Variants in ZNF385D observed in about 807,000 individuals in gnomAD.
The protein encoded by ZNF385D is zinc finger protein 659.
A neutral mutation model predicts 35.8 loss-of-function variants in ZNF385D; 15 were observed. The observed-to-expected ratio is 0.42, with a 90% CI of 0.28 to 0.64. The LOEUF (loss-of-function observed/expected upper bound fraction) is 0.64. Among genes scored for constraint, ZNF385D ranks in the 30% least tolerant of loss-of-function variants. ZNF385D has a pLI of 0.23. For missense variants in ZNF385D, 474 were observed against 494.6 expected, an observed-to-expected ratio of 0.96 and a Z score of 0.39; for synonymous variants, 212 against 186.8, an observed-to-expected ratio of 1.13 and a Z score of -1.10.
rs546845593 is a variant in ZNF385D, at chr3:22,145,161, C to A, written c.325+23656G>T. On this transcript the variant is annotated intron_variant, in intron 3 of 5. Transcript: ENST00000494108. The stretch of plus-strand genomic sequence containing the variant: ...GCTATTACTAGAGACTTTCTTTGAG[C>A]TTTAGCAACTATAACATACTTTTTA... 4.6e-5 allele frequency among the ~76,000 whole-genome samples: 7 copies of A among 152,278 alleles called. No homozygotes were observed. In the South Asian group the frequency reaches 1.2e-3, roughly 27 times the overall value.
chr3:21,935,102 G>A (rs971436158), intron 3 of ZNF385D, among the ~76,000 whole-genome samples: 1 of 152,054 alleles, frequency 6.6e-6, no homozygotes. Flanking sequence ...TCTCCTTTAT[G>A]CATTATTTAT....
chr3:22,333,258 T>C (rs1320078259), intron 2 of ZNF385D, among the ~76,000 whole-genome samples: 1 of 152,190 alleles, frequency 6.6e-6, no homozygotes, highest in Non-Finnish European at 1.5e-5. Context: ...GGAGTGTGTT[T>C]GTATTTCTTT....
At chr3:21,975,559 T>A (rs1366089616) in intron 3 of ZNF385D, among the ~76,000 whole-genome samples, 1 of 152,062 alleles carries the variant, frequency 6.6e-6, no homozygotes, top group Non-Finnish European at 1.5e-5. Context: ...AATTTGGTTG[T>A]AACACAAAGA....
chr3:21,627,249 G>GT (rs1189497377), intron 2 of ZNF385D, among the ~76,000 whole-genome samples: 27 of 51,952 alleles, frequency 5.2e-4, no homozygotes, highest in African/African-American at 9.7e-4. Context: ...GGTGTAGGGT[G>GT]TGTGTGTGTG....
chr3:21,857,808 A>G (rs1190714093), intron 3 of ZNF385D, among the ~76,000 whole-genome samples: 1 of 151,798 alleles, frequency 6.6e-6, no homozygotes. Context: ...TCACCTTTTC[A>G]AGGCATAGAG....
chr3:21,620,380 A>G (rs2064969193), intron 2 of ZNF385D, among the ~76,000 whole-genome samples: 1 of 152,134 alleles, frequency 6.6e-6, no homozygotes, highest in African/African-American at 2.4e-5. Context: ...CCCATCTCCT[A>G]AATCCCCTCT....
intron 4 of ZNF385D, among the ~76,000 whole-genome samples, chr3:21,448,672 C>A (rs923853359): frequency 2.0e-5 from 3 of 152,164 alleles, no homozygotes; most frequent in Non-Finnish European, 4.4e-5. Flanking sequence ...CGATACAATT[C>A]TGGAACAAAT....
intron 2 of ZNF385D, among the ~76,000 whole-genome samples, chr3:22,173,358 A>T (rs899135425): frequency 2.0e-5 from 3 of 152,232 alleles, no homozygotes; most frequent in African/African-American, 7.2e-5. Flanking sequence ...GTTGTAATAA[A>T]TGTACCGTAT....
At chr3:22,132,907 G>A (rs1229126022) in intron 3 of ZNF385D, among the ~76,000 whole-genome samples, 1 of 152,056 alleles carries the variant, frequency 6.6e-6, no homozygotes, top group Non-Finnish European at 1.5e-5. Flanking sequence ...TATTCACTGA[G>A]TATTCGGTTA....
intron 4 of ZNF385D, among the ~76,000 whole-genome samples, chr3:21,459,066 G>A (rs1703006456): frequency 6.6e-6 from 1 of 152,086 alleles, no homozygotes; most frequent in Non-Finnish European, 1.5e-5. Context: ...ACCTGGGAGG[G>A]TAAGAGGGGA....
chr3:22,191,251 G>C (rs141974768), intron 2 of ZNF385D, among the ~76,000 whole-genome samples: 1 of 152,030 alleles, frequency 6.6e-6, no homozygotes, highest in East Asian at 1.9e-4. Flanking sequence ...AGCACTTTGG[G>C]AGGCCGAGGC....
chr3:22,237,613 C>T (rs998230835), intron 2 of ZNF385D, among the ~76,000 whole-genome samples: 3 of 152,038 alleles, frequency 2.0e-5, no homozygotes, highest in Non-Finnish European at 4.4e-5. Context: ...AGGTTTTCTC[C>T]TAAGATTTGT....
chr3:22,194,184 T>G (rs1696250871), intron 2 of ZNF385D, among the ~76,000 whole-genome samples: 1 of 150,644 alleles, frequency 6.6e-6, no homozygotes, highest in Admixed American at 6.6e-5. Flanking sequence ...AGATTTTGAT[T>G]GTTGATAAAT....
chr3:21,743,282 C>T (rs531880351), intron 1 of ZNF385D, among the ~76,000 whole-genome samples: 2 of 152,226 alleles, frequency 1.3e-5, no homozygotes, highest in South Asian at 2.1e-4. Context: ...TTTTTATAAG[C>T]ATTGAGTTAA....
At chr3:22,122,604 GA>G (rs1221216162) in intron 3 of ZNF385D, among the ~76,000 whole-genome samples, 2 of 151,848 alleles carry the variant, frequency 1.3e-5, no homozygotes, top group Non-Finnish European at 1.5e-5. Flanking sequence ...AACAGAAAGA[GA>G]AAAAAATAAG....
intron 3 of ZNF385D, among the ~76,000 whole-genome samples, chr3:22,044,725 G>A (rs984307267): frequency 1.3e-5 from 2 of 151,934 alleles, no homozygotes; most frequent in African/African-American, 4.8e-5. Context: ...TGGAGAGAAT[G>A]GATACACTTG....
At chr3:22,294,082 G>C (rs1172015168) in intron 2 of ZNF385D, among the ~76,000 whole-genome samples, 1 of 151,766 alleles carries the variant, frequency 6.6e-6, no homozygotes, top group Non-Finnish European at 1.5e-5. Context: ...GGAGGAGGAG[G>C]AATGTTGAAT....
At chr3:21,585,043 C>T (rs930560564) in intron 2 of ZNF385D, among the ~76,000 whole-genome samples, 1 of 101,168 alleles carries the variant, frequency 9.9e-6, no homozygotes, top group African/African-American at 4.4e-5. Flanking sequence ...TGAAATATAA[C>T]GAATCTTTGT....
chr3:22,324,324 CA>C lies in ZNF385D; in HGVS notation c.106+48125del, dbSNP rs914094829. On this transcript the variant is annotated intron_variant, in intron 2 of 5. Coordinates refer to the ZNF385D transcript ENST00000494108. ...TAACTAGTATTAAGCAGTAGAACAA[CA>C]ACACACAATATTTAGGAAACAAAAT... Among the ~76,000 whole-genome samples, 27 of 152,096 alleles carry C rather than the reference CA, an allele frequency of 1.8e-4. 1 individual carries two copies. Among genetic ancestry groups the C allele is most frequent in the Admixed American group, 9.8e-4 (15 of 15,280 alleles).
Sources: allele counts gnomAD v4.1 joint callset (sites outside exome capture counted in the v4.1 genomes callset), GRCh38; gene constraint gnomAD v4.1.1; transcripts MANE v1.5; gene names NCBI Gene and HGNC (gene_info 2026-07-23, HGNC 2026-07-21).